Variants in PTPRK observed in about 807,000 individuals in gnomAD.
The protein encoded by PTPRK is protein tyrosine phosphatase receptor type K, also known as receptor-type tyrosine-protein phosphatase kappa.
In PTPRK, 75 loss-of-function variants were observed where a neutral mutation model predicts 178.0. That is an observed-to-expected ratio of 0.42 (90% CI 0.35 to 0.51). PTPRK has a LOEUF of 0.51. PTPRK is among the 20% of genes least tolerant of loss of function. The pLI, the probability that PTPRK is intolerant of heterozygous loss-of-function variation, is 0.02. For missense variants in PTPRK, 1,441 were observed against 1,797.8 expected, an observed-to-expected ratio of 0.80 and a Z score of 3.59; for synonymous variants, 637 against 620.6, an observed-to-expected ratio of 1.03 and a Z score of -0.39.
chr6:128,277,960 T>C (rs1248153095), intron 3 of PTPRK, among the ~76,000 whole-genome samples: 2 of 152,100 alleles, frequency 1.3e-5, no homozygotes, highest in Non-Finnish European at 2.9e-5. Context: ...TTAAATGGAA[T>C]AAATTGAGTT....
At chr6:128,248,299 A>G (rs1042653256) in intron 3 of PTPRK, among the ~76,000 whole-genome samples, 9 of 152,326 alleles carry the variant, frequency 5.9e-5, no homozygotes, top group African/African-American at 2.2e-4. Flanking sequence ...CACATTACAT[A>G]TATGTGCATA....
chr6:128,414,553 A>T (rs1842640442), intron 1 of PTPRK, among the ~76,000 whole-genome samples: 1 of 152,232 alleles, frequency 6.6e-6, no homozygotes, highest in Non-Finnish European at 1.5e-5. Context: ...AATGAATCAA[A>T]TAGGTGAGAA....
intron 13 of PTPRK, among the ~76,000 whole-genome samples, chr6:128,060,716 T>A (rs1405605776): frequency 6.6e-6 from 1 of 152,202 alleles, no homozygotes; most frequent in African/African-American, 2.4e-5. Flanking sequence ...GGATTAAATT[T>A]AATTTAATTC....
chr6:127,981,345 A>G (rs1775317693), intron 24 of PTPRK, 56 bp from the exon 25 acceptor site: 1 of 1,444,442 alleles, frequency 6.9e-7, no homozygotes, highest in Non-Finnish European at 9.4e-7. Context: ...TAACAGTATA[A>G]CACAGATCCA....
At chr6:128,294,984 AACAGATATGTTTAT>A in intron 3 of PTPRK, among the ~76,000 whole-genome samples, 1 of 152,084 alleles carries the variant, frequency 6.6e-6, no homozygotes, top group East Asian at 1.9e-4. Flanking sequence ...TACAGTATGA[AACAGATATGTTTAT>A]CTGTTTCCAC....
chr6:128,129,297 A>G (rs1488354080), intron 7 of PTPRK, among the ~76,000 whole-genome samples: 1 of 152,134 alleles, frequency 6.6e-6, no homozygotes, highest in Non-Finnish European at 1.5e-5. Flanking sequence ...TAATATTCCA[A>G]TGTTATTCAT....
intron 1 of PTPRK, among the ~76,000 whole-genome samples, chr6:128,421,266 C>T (rs972901276): frequency 6.6e-6 from 1 of 152,118 alleles, no homozygotes; most frequent in African/African-American, 2.4e-5. Context: ...TGGAATAAAA[C>T]TGGAAAATAT....
intron 1 of PTPRK, among the ~76,000 whole-genome samples, chr6:128,439,075 G>A (rs904595008): frequency 3.3e-5 from 5 of 152,070 alleles, no homozygotes; most frequent in African/African-American, 1.2e-4. Flanking sequence ...TCAAAGAATT[G>A]TTTTTAAAAA....
chr6:128,247,053 A>T (rs986176706), intron 3 of PTPRK, among the ~76,000 whole-genome samples: 1 of 152,214 alleles, frequency 6.6e-6, no homozygotes, highest in Non-Finnish European at 1.5e-5. Context: ...CCTGGGATCT[A>T]CTATCACGTG....
At chr6:128,226,912 T>A (rs974005230) in intron 5 of PTPRK, among the ~76,000 whole-genome samples, 5 of 151,628 alleles carry the variant, frequency 3.3e-5, no homozygotes, top group Admixed American at 2.0e-4. Context: ...TTTTTATGGA[T>A]GAACTTTCTG....
intron 3 of PTPRK, among the ~76,000 whole-genome samples, chr6:128,273,436 G>T (rs905501720): frequency 6.6e-6 from 1 of 152,072 alleles, no homozygotes; most frequent in East Asian, 1.9e-4. Context: ...CTTAATCTTT[G>T]CAAAGTCCTA....
intron 11 of PTPRK, among the ~76,000 whole-genome samples, chr6:128,072,704 G>A (rs1334772183): frequency 6.6e-6 from 1 of 151,980 alleles, no homozygotes; most frequent in Admixed American, 6.6e-5. Context: ...TAAACATACA[G>A]TCAAGAATTT....
intron 7 of PTPRK, among the ~76,000 whole-genome samples, chr6:128,139,769 G>A (rs1027675719): frequency 6.6e-6 from 1 of 152,008 alleles, no homozygotes; most frequent in Non-Finnish European, 1.5e-5. Flanking sequence ...GTACTGAAGA[G>A]TCCATGAGAA....
intron 2 of PTPRK, among the ~76,000 whole-genome samples, chr6:128,391,550 G>C (rs1482336969): frequency 2.0e-5 from 3 of 152,114 alleles, no homozygotes; most frequent in Non-Finnish European, 4.4e-5. Flanking sequence ...AAGATACACT[G>C]TCAAATAATT....
At chr6:128,077,027 T>A (rs923111879) in intron 11 of PTPRK, among the ~76,000 whole-genome samples, 17 of 152,070 alleles carry the variant, frequency 1.1e-4, no homozygotes, top group African/African-American at 4.1e-4. Context: ...AGTACAGTGA[T>A]GCAAAAATAA....
intron 2 of PTPRK, among the ~76,000 whole-genome samples, chr6:128,375,215 G>C (rs1399790146): frequency 6.6e-6 from 1 of 151,658 alleles, no homozygotes; most frequent in South Asian, 2.1e-4. Context: ...AACTGTATAA[G>C]TTTGTTTTCA....
intron 1 of PTPRK, among the ~76,000 whole-genome samples, chr6:128,463,791 AC>A (rs1411575574): frequency 1.1e-4 from 13 of 117,552 alleles, no homozygotes; most frequent in African/African-American, 4.2e-4. Context: ...CACTCTTGTC[AC>A]CCAGGCTGGA....
intron 12 of PTPRK, 152 bp from the exon 13 acceptor site, chr6:128,064,946 C>A (rs1039145620): frequency 1.1e-5 from 10 of 921,976 alleles, no homozygotes; most frequent in Non-Finnish European, 1.0e-5. Context: ...AAAAAATATG[C>A]CCCCCTAGGG....
chr6:128,310,977 T>C (rs1472810702), intron 3 of PTPRK, among the ~76,000 whole-genome samples: 1 of 152,078 alleles, frequency 6.6e-6, no homozygotes, highest in Non-Finnish European at 1.5e-5. Flanking sequence ...AATCTGGACA[T>C]CCTTCAGCTT....
Sources: allele counts gnomAD v4.1 joint callset (sites outside exome capture counted in the v4.1 genomes callset), GRCh38; gene constraint gnomAD v4.1.1; transcripts MANE v1.5; gene names NCBI Gene and HGNC (gene_info 2026-07-23, HGNC 2026-07-21).